Variants in NHSL2 observed in about 807,000 individuals in gnomAD.
NHSL2 encodes NHS like 2, also known as NHS-like protein 2.
A neutral mutation model predicts 53.4 loss-of-function variants in NHSL2; 27 were observed. The ratio of observed to expected loss-of-function variants is 0.51; its 90% CI spans 0.37 to 0.70. The LOEUF (loss-of-function observed/expected upper bound fraction) is 0.70. Ranked by LOEUF, NHSL2 falls within the 30% of genes least tolerant of loss-of-function variation. The pLI, the probability that NHSL2 is intolerant of heterozygous loss-of-function variation, is 0.00. For missense variants in NHSL2, 892 were observed against 980.1 expected (o/e 0.91, Z 1.20); for synonymous variants, 408 against 404.1 (o/e 1.01, Z -0.12).
At chrX:72,097,448 G>A (rs2041952588) in intron 1 of NHSL2, among the ~76,000 whole-genome samples, 1 of 111,812 alleles carries the variant, frequency 8.9e-6, no homozygotes, top group Non-Finnish European at 1.9e-5. Context: ...GGGAGGGGAA[G>A]GTCTCTCTGT....
At chrX:72,037,673 C>T (rs1157491831) in intron 1 of NHSL2, among the ~76,000 whole-genome samples, 1 of 111,837 alleles carries the variant, frequency 8.9e-6, no homozygotes, top group Non-Finnish European at 1.9e-5. Flanking sequence ...CTTCCCCTGG[C>T]CAGGTGCCTG....
intron 1 of NHSL2, among the ~76,000 whole-genome samples, chrX:72,004,640 T>C (rs1183669517): frequency 1.8e-5 from 2 of 110,280 alleles, no homozygotes; most frequent in Non-Finnish European, 3.8e-5. Flanking sequence ...ATGTGGTGCA[T>C]ATTTCCATTC....
intron 1 of NHSL2, among the ~76,000 whole-genome samples, chrX:72,033,465 G>A (rs911613472): frequency 1.8e-5 from 2 of 112,123 alleles, no homozygotes; most frequent in Admixed American, 9.4e-5. Context: ...GATTACAGGC[G>A]TGAGCCACCG....
At chrX:72,098,411 T>A (rs1385156093) in intron 1 of NHSL2, among the ~76,000 whole-genome samples, 2 of 110,424 alleles carry the variant, frequency 1.8e-5, no homozygotes, top group African/African-American at 6.6e-5. Context: ...AAACCCCGTC[T>A]CTACTAAAAA....
At position 72,147,751 on chromosome X, in the gene NHSL2, G is replaced by A. The variant is rs1371194511; in HGVS notation, c.*4177G>A. 2 of 111,551 alleles carry A rather than the reference G, an allele frequency of 1.8e-5. No individual in the cohort carries two copies. The highest frequency in any genetic ancestry group is 3.8e-5 in the Non-Finnish European group (2 of 53,177). 9.2% of individuals were successfully genotyped at this position (111,551 alleles called of 1,213,427 possible). On this transcript the variant is annotated 3_prime_UTR_variant, in exon 8 of 8. Transcript: ENST00000633930. Reference sequence around the variant, plus strand: ...CTTCCCAGCACCAACTCTCTTCAGTGCCTCCTACTTCCTTCTCCTCCTAAG... The same window carrying A: ...CTTCCCAGCACCAACTCTCTTCAGTACCTCCTACTTCCTTCTCCTCCTAAG...
intron 1 of NHSL2, chrX:72,130,443 C>T: frequency 8.3e-7 from 1 of 1,207,828 alleles, no homozygotes. Context: ...GAAAAGCCCT[C>T]ATGCGCTTCC....
chrX:72,093,938 C>T (rs760489934), intron 1 of NHSL2, among the ~76,000 whole-genome samples: 26 of 110,100 alleles, frequency 2.4e-4, no homozygotes, highest in South Asian at 7.7e-4. Context: ...TGCTCCACCA[C>T]GCTTGGCTAA....
chrX:71,942,972 C>CTCTCTGTGTG (rs1220648470), intron 1 of NHSL2, among the ~76,000 whole-genome samples: 186 of 74,027 alleles, frequency 2.5e-3, no homozygotes, highest in East Asian at 0.017. Flanking sequence ...CTCTCTCTCT[C>CTCTCTGTGTG]TGTGTGTGTG....
In NHSL2 at chrX:72,143,397, C is replaced by A. The variant is rs774556804; in HGVS notation, c.3501C>A (p.Asn1167Lys). The A allele has an allele frequency of 1.7e-6, 2 of 1,167,402 alleles. No individual in the cohort carries two copies. Among genetic ancestry groups the A allele is most frequent in the Non-Finnish European group, 2.3e-6 (2 of 872,861 alleles). Reference sequence around the variant, plus strand: ...CTGCAGGGTCAGGCAGCAGTGCCAACCTAGATGCTGGCAGAAATGACGATT... The same window carrying A: ...CTGCAGGGTCAGGCAGCAGTGCCAAACTAGATGCTGGCAGAAATGACGATT... ...TATAGSGSSA[N>K]LDAGRNDDFK... The change falls in exon 8 of 8, where the codon AAC (asparagine) becomes AAA (lysine). Residue 1167 changes from asparagine (N) to lysine (K), a missense_variant. By Grantham distance (94) the Asn-to-Lys change is moderately conservative. Coordinates refer to ENST00000633930, the MANE Select transcript of NHSL2 (RefSeq NM_001013627.3).
chrX:71,966,709 A>T (rs2041902527), intron 1 of NHSL2, among the ~76,000 whole-genome samples: 2 of 110,871 alleles, frequency 1.8e-5, no homozygotes, highest in Admixed American at 9.6e-5. Context: ...TTTGTCGAGG[A>T]TTTTTGCATC....
At chrX:72,101,261 G>T (rs749495576) in intron 1 of NHSL2, among the ~76,000 whole-genome samples, 1 of 110,122 alleles carries the variant, frequency 9.1e-6, no homozygotes, top group East Asian at 2.9e-4. Context: ...GGGCTCAATT[G>T]CATCCTGCAA....
At chrX:72,063,556 C>A (rs1410837526) in intron 1 of NHSL2, among the ~76,000 whole-genome samples, 2 of 111,936 alleles carry the variant, frequency 1.8e-5, no homozygotes, top group African/African-American at 6.5e-5. Context: ...TGTCCAGCAG[C>A]CTTGAGGAAG....
At chrX:71,936,702 G>A (rs1201784330) in intron 1 of NHSL2, among the ~76,000 whole-genome samples, 1 of 112,230 alleles carries the variant, frequency 8.9e-6, no homozygotes, top group Non-Finnish European at 1.9e-5. Context: ...TTTGAACGAA[G>A]GTGTCTGCTG....
intron 1 of NHSL2, among the ~76,000 whole-genome samples, chrX:71,959,999 A>G (rs1425605971): frequency 8.9e-6 from 1 of 112,024 alleles, no homozygotes; most frequent in African/African-American, 3.2e-5. Context: ...TGGCTATACC[A>G]TCTCTCCACA....
intron 1 of NHSL2, among the ~76,000 whole-genome samples, chrX:72,116,223 C>CTATA (rs1051108598): frequency 9.0e-6 from 1 of 111,218 alleles, no homozygotes; most frequent in Non-Finnish European, 1.9e-5. Context: ...GTAGTAAGGG[C>CTATA]TATATATATA....
At chrX:72,023,374 GAGA>G (rs1469830835) in intron 1 of NHSL2, among the ~76,000 whole-genome samples, 5 of 112,711 alleles carry the variant, frequency 4.4e-5, no homozygotes, top group African/African-American at 1.6e-4. Flanking sequence ...GGAGAAATGG[GAGA>G]AGGAGATGGA....
chrX:72,152,086 A>T lies in NHSL2; in HGVS notation c.*8512A>T, dbSNP rs2042518542. On this transcript the variant is annotated 3_prime_UTR_variant, in exon 8 of 8. Transcript: ENST00000633930. ...CCATGCAACAACACAGCCACAAGACATTCAGCACACCACCTCCTCCTGTGT... is the reference window on the plus strand; with the variant it reads ...CCATGCAACAACACAGCCACAAGACTTTCAGCACACCACCTCCTCCTGTGT... 8.9e-6 allele frequency: 1 copy of T among 112,615 alleles called. No homozygotes were observed. The highest frequency in any genetic ancestry group is 3.6e-4 in the South Asian group (1 of 2,749). 9.3% of individuals were successfully genotyped at this position (112,615 alleles called of 1,213,427 possible). A position where few individuals can be genotyped will look rare whatever the true frequency, so the allele number is the denominator to read the frequency against.
chrX:72,142,415 C>G (rs986202763), intron 7 of NHSL2, 51 bp downstream of exon 7: 4 of 972,607 alleles, frequency 4.1e-6, no homozygotes, highest in Admixed American at 6.7e-5. Flanking sequence ...CCTTTTTGTA[C>G]TTAAAGAAAA....
chrX:72,102,902 T>C (rs2042007425), intron 1 of NHSL2, among the ~76,000 whole-genome samples: 3 of 111,964 alleles, frequency 2.7e-5, no homozygotes, highest in Non-Finnish European at 5.6e-5. Flanking sequence ...GGGTGACTCG[T>C]GACAGCTCCT....
Sources: gnomAD v4.1 joint callset for allele counts (sites outside exome capture counted in the v4.1 genomes callset) on GRCh38, gnomAD v4.1.1 for gene constraint, MANE v1.5 for transcripts, NCBI Gene and HGNC (gene_info 2026-07-23, HGNC 2026-07-21) for gene names.